The following ELF2 variants were observed in gnomAD, a reference collection of about 807,000 sequenced individuals.
ELF2 encodes E74 like ETS transcription factor 2, also known as ETS-related transcription factor Elf-2.
ELF2 carries 11 observed loss-of-function variants against 54.8 expected under a neutral mutation model. The ratio of observed to expected loss-of-function variants is 0.20; its 90% CI spans 0.13 to 0.33. The LOEUF is 0.33. Ranked by LOEUF, ELF2 falls within the 10% of genes least tolerant of loss-of-function variation. The probability of loss-of-function intolerance (pLI) is 1.00; values close to 1 mark genes in which losing one functional copy is unlikely to be tolerated. For missense variants in ELF2, 513 were observed against 703.0 expected, an observed-to-expected ratio of 0.73 and a Z score of 3.06; for synonymous variants, 203 against 245.1, an observed-to-expected ratio of 0.83 and a Z score of 1.61.
intron 4 of ELF2, among the ~76,000 whole-genome samples, chr4:139,104,451 G>A (rs867843176): frequency 4.4e-4 from 65 of 147,894 alleles, no homozygotes; most frequent in African/African-American, 1.3e-3. Flanking sequence ...CGAGGTTGCC[G>A]TGAGCTGAGA....
At chr4:139,103,439 C>T (rs1448608884) in intron 4 of ELF2, among the ~76,000 whole-genome samples, 5 of 152,178 alleles carry the variant, frequency 3.3e-5, no homozygotes, top group African/African-American at 1.2e-4. Flanking sequence ...AAGTCAACCA[C>T]CAATAGCCAA....
chr4:139,134,085 T>C (rs73852770), intron 3 of ELF2, among the ~76,000 whole-genome samples: 2,151 of 152,318 alleles, frequency 0.014, 49 homozygotes, highest in African/African-American at 0.048. Flanking sequence ...AAGTATGATG[T>C]TGGCTGTGGG....
chr4:139,109,162 C>G (rs1453113355), intron 4 of ELF2, among the ~76,000 whole-genome samples: 1 of 151,716 alleles, frequency 6.6e-6, no homozygotes, highest in Non-Finnish European at 1.5e-5. Flanking sequence ...TCAATAATTT[C>G]AAAAAGTAAA....
chr4:139,100,099 A>G (rs1462134346), intron 4 of ELF2, among the ~76,000 whole-genome samples: 2 of 152,232 alleles, frequency 1.3e-5, no homozygotes, highest in Non-Finnish European at 2.9e-5. Flanking sequence ...TCAGAGTACA[A>G]TGCTTGAGCT....
chr4:139,092,594 A>C (rs549085232), intron 4 of ELF2, among the ~76,000 whole-genome samples: 10 of 152,116 alleles, frequency 6.6e-5, no homozygotes, highest in Admixed American at 3.3e-4. Flanking sequence ...CCCATCCTGG[A>C]TCGAGACCAT....
chr4:139,140,536 T>C (rs1738605442), intron 1 of ELF2, among the ~76,000 whole-genome samples: 1 of 152,126 alleles, frequency 6.6e-6, no homozygotes, highest in African/African-American at 2.4e-5. Context: ...GAAGATCACT[T>C]GAGCCCAGGA....
intron 4 of ELF2, chr4:139,084,460 G>A: frequency 8.9e-7 from 1 of 1,121,750 alleles, no homozygotes; most frequent in Non-Finnish European, 1.1e-6. Context: ...CGGCGGCGGC[G>A]GCTGTGGCTG....
chr4:139,124,918 T>A (rs1032578742), intron 4 of ELF2, among the ~76,000 whole-genome samples: 2 of 152,202 alleles, frequency 1.3e-5, no homozygotes, highest in African/African-American at 4.8e-5. Context: ...AATAACTTTA[T>A]CATTATGTGA....
intron 1 of ELF2, among the ~76,000 whole-genome samples, chr4:139,168,518 G>A (rs1024277148): frequency 4.6e-5 from 7 of 152,016 alleles, no homozygotes; most frequent in East Asian, 3.9e-4. Context: ...ATGGATTCCC[G>A]GCAGACTTAG....
At chr4:139,139,098 C>T (rs1487779393) in intron 2 of ELF2, among the ~76,000 whole-genome samples, 2 of 152,080 alleles carry the variant, frequency 1.3e-5, no homozygotes, top group African/African-American at 4.8e-5. Context: ...GTATATAGTT[C>T]CCATAAATCA....
intron 4 of ELF2, chr4:139,084,480 C>T: frequency 4.9e-6 from 5 of 1,024,968 alleles, no homozygotes; most frequent in East Asian, 5.6e-5. Context: ...GTGGCGGCCG[C>T]CGCAGCTGGC....
At chr4:139,076,459 A>C (rs1730331979) in intron 4 of ELF2, among the ~76,000 whole-genome samples, 1 of 152,084 alleles carries the variant, frequency 6.6e-6, no homozygotes. Flanking sequence ...AAAACCTTCA[A>C]TTCTCCAGTT....
chr4:139,126,656 G>T (rs187049067), intron 3 of ELF2, among the ~76,000 whole-genome samples: 138 of 152,340 alleles, frequency 9.1e-4, no homozygotes, highest in Non-Finnish European at 1.6e-3. Flanking sequence ...GAAGATGACA[G>T]TTGAGCAATT....
intron 4 of ELF2, among the ~76,000 whole-genome samples, chr4:139,104,133 A>G (rs1345492774): frequency 6.6e-6 from 1 of 152,150 alleles, no homozygotes; most frequent in Non-Finnish European, 1.5e-5. Flanking sequence ...ACAAAAACAA[A>G]CAACAACAAA....
chr4:139,060,389 A>C lies in ELF2; in HGVS notation c.1092T>G (p.Pro364=), dbSNP rs750053376. 6.2e-7 allele frequency: 1 copy of C among 1,614,114 alleles called. No individual in the cohort carries two copies. The highest frequency in any genetic ancestry group is 1.1e-5 in the South Asian group (1 of 91,062). Residue 364 remains proline (P), a synonymous_variant, in exon 9 of 10, where the codon CCT becomes CCG. Coordinates refer to ENST00000686138, the MANE Select transcript of ELF2 (RefSeq NM_001331036.3). ...GVARVVNITS[P]GHDASSRSPT... ...GAGACCTGGATGAAGCATCGTGCCC[A>C]GGGGAAGTGATATTCACAACTCTAG...
rs368065430 is a variant in ELF2 at position 139,059,035 on chromosome 4, A to G, written c.1730T>C (p.Ile577Thr). The G allele has an allele frequency of 1.2e-6, 2 of 1,613,870 alleles. No homozygotes were observed. The highest frequency in any genetic ancestry group is 8.5e-7 in the Non-Finnish European group (1 of 1,179,788). ...TGTTTTCATAGTTACAGGAAGGGCAATAGCTGAAGGCGCACTGACAACCAC... is the reference window on the plus strand; with the variant it reads ...TGTTTTCATAGTTACAGGAAGGGCAGTAGCTGAAGGCGCACTGACAACCAC... ...HVVVVSAPSA[I>T]ALPVTMKTEG... is the part of the protein sequence containing the mutation. Residue 577 changes from isoleucine to threonine, a missense_variant, in exon 10 of 10, where the codon ATT becomes ACT. Ile to Thr is a moderately conservative substitution (Grantham distance 89, BLOSUM62 -1). Around this residue, in one of 3 missense-constraint regions of ELF2, gnomAD observed 291 missense variants for 366.1 expected, o/e 0.79. Transcript: ENST00000686138.
At chr4:139,173,374 C>CA (rs1390818452) in intron 1 of ELF2, among the ~76,000 whole-genome samples, 1 of 151,506 alleles carries the variant, frequency 6.6e-6, no homozygotes, top group African/African-American at 2.4e-5. Flanking sequence ...CATAATAGCC[C>CA]AAAAAAATAG....
chr4:139,144,952 G>T (rs548336284), intron 1 of ELF2, among the ~76,000 whole-genome samples: 1 of 152,268 alleles, frequency 6.6e-6, no homozygotes, highest in East Asian at 1.9e-4. Flanking sequence ...GAGCCCTATG[G>T]CCTCACCCAT....
At chr4:139,087,427 T>G (rs1732093802) in intron 4 of ELF2, among the ~76,000 whole-genome samples, 1 of 152,180 alleles carries the variant, frequency 6.6e-6, no homozygotes, top group Non-Finnish European at 1.5e-5. Flanking sequence ...GCAGCTAGTC[T>G]CTTCTAATGG....
Sources: gnomAD v4.1 joint callset for allele counts (sites outside exome capture counted in the v4.1 genomes callset) on GRCh38, gnomAD v4.1.1 for gene constraint, gnomAD v4.1.1 regional missense constraint, MANE v1.5 for transcripts, NCBI Gene and HGNC (gene_info 2026-07-23, HGNC 2026-07-21) for gene names.